ATP13A1: variants seen among roughly 807,000 people sequenced by gnomAD.
ATP13A1 encodes the protein ATPase 13A1, also known as endoplasmic reticulum transmembrane helix translocase.
A neutral mutation model predicts 134.8 loss-of-function variants in ATP13A1; 55 were observed. That is an observed-to-expected ratio of 0.41 (90% CI 0.33 to 0.51). ATP13A1 has a LOEUF of 0.51. Ranked by LOEUF, ATP13A1 falls within the 20% of genes least tolerant of loss-of-function variation. The pLI is 0.29. For synonymous variants in ATP13A1, 775 were observed against 725.1 expected, an observed-to-expected ratio of 1.07 and a Z score of -1.10; for missense variants, 1,389 against 1,652.8, an observed-to-expected ratio of 0.84 and a Z score of 2.77.
chr19:19,652,976 TCA>T (rs1272329036), intron 15 of ATP13A1: 13 of 493,024 alleles, frequency 2.6e-5, no homozygotes, highest in African/African-American at 2.3e-4. Context: ...CATGGGCACA[TCA>T]CAGAGTCCCT....
Position 19,652,696 on chromosome 19 carries a change from G to T in ATP13A1, c.2125C>A (p.Leu709Met). 6.2e-7 allele frequency: 1 copy of T among 1,606,892 alleles called. No homozygotes were observed. The highest frequency in any genetic ancestry group is 1.1e-5 in the South Asian group (1 of 89,788). Residue 709 changes from leucine to methionine, a missense_variant, in exon 16 of 26, where the codon CTG becomes ATG. By Grantham distance (15) the Leu-to-Met change is conservative. Transcript: ENST00000357324. The stretch of plus-strand genomic sequence containing the variant: ...CCGACGAACTTGAGGCTGCACTCCA[G>T]GGCCTCCCGCTTGACCTCCCGGGCC... ...QQAREVKREALECSLKFVGFI... is the reference protein window; with the variant it reads ...QQAREVKREAMECSLKFVGFI...
In ATP13A1 at chr19:19,647,541, C is replaced by G. The variant is rs761484333; in HGVS notation, c.2794-13G>C. 3.1e-6 allele frequency: 5 copies of G among 1,612,308 alleles called. No homozygotes were observed. In the South Asian group the frequency reaches 3.3e-5, roughly 11 times the overall value. On this transcript the variant is annotated splice_polypyrimidine_tract_variant and intron_variant, in intron 20 of 25. Coordinates refer to ENST00000357324, the MANE Select transcript of ATP13A1 (RefSeq NM_020410.3). This position sits in a 1 kb window ranked among gnomAD's most constrained non-coding sequence, Gnocchi z 4.8. ...GGCTCAGGCGGTCCTGCAGGGTAGA[C>G]AGCAGGCTGTCAGCCCTGGCCAGGA... is the stretch of plus-strand genomic sequence containing the variant.
At chr19:19,652,420 C>T (rs1049886658) in intron 16 of ATP13A1, among the ~76,000 whole-genome samples, 175 bp downstream of exon 16, 15 of 152,156 alleles carry the variant, frequency 9.9e-5, no homozygotes, top group South Asian at 4.1e-4. Context: ...CCAGCACAGG[C>T]GGGTCCCAGA....
chr19:19,661,882 C>T (rs1159023792), intron 1 of ATP13A1, among the ~76,000 whole-genome samples: 5 of 152,334 alleles, frequency 3.3e-5, no homozygotes, highest in African/African-American at 9.6e-5. Flanking sequence ...ACAAACGTGA[C>T]GTCACGGAAG....
intron 1 of ATP13A1, chr19:19,662,359 C>T: frequency 3.0e-6 from 3 of 985,370 alleles, no homozygotes; most frequent in Non-Finnish European, 3.6e-6. Context: ...TCAGAGCCAG[C>T]CAGGGTGGGG....
chr19:19,650,169 G>A (rs73004995), intron 17 of ATP13A1: 235 of 589,394 alleles, frequency 4.0e-4, no homozygotes, highest in Non-Finnish European at 6.5e-4. Context: ...CTGAGAGCCC[G>A]GGACACAGCC....
chr19:19,647,852 C>T lies in ATP13A1; in HGVS notation c.2633-93G>A. 3 of 1,451,284 alleles carry T rather than the reference C, an allele frequency of 2.1e-6. No individual in the cohort carries two copies. The highest frequency in any genetic ancestry group is 9.2e-7 in the Non-Finnish European group (1 of 1,092,088). The allele number at this position is 1,451,284 out of a possible 1,614,324, so 89.9% of individuals were successfully genotyped here. On this transcript the variant is annotated intron_variant, in intron 19 of 25. Transcript: ENST00000357324. The surrounding 1 kb of genome is among the most constrained non-coding windows in gnomAD (Gnocchi z 4.8). ...AGCCACTGGTCCTGAAGTCCCCCAG[C>T]TGGCTCCCGTGAGGACAGTTCCCAG...
intron 1 of ATP13A1, among the ~76,000 whole-genome samples, chr19:19,660,938 G>T (rs1484339531): frequency 6.6e-6 from 1 of 151,794 alleles, no homozygotes; most frequent in Non-Finnish European, 1.5e-5. Flanking sequence ...AATTAGCTGG[G>T]CATAGTGGCA....
Position 19,645,889 on chromosome 19 carries a change from G to A in ATP13A1, c.3345C>T (p.Phe1115=), listed in dbSNP as rs773108473. 16 of 1,613,792 alleles carry A rather than the reference G, an allele frequency of 9.9e-6. No individual in the cohort carries two copies. The highest frequency in any genetic ancestry group is 6.7e-5 in the East Asian group (3 of 44,894). The change falls in exon 24 of 26, where the codon TTC becomes TTT. Residue 1115 remains phenylalanine, a synonymous_variant. Transcript: ENST00000357324. This position sits in a 1 kb window ranked among gnomAD's most constrained non-coding sequence, Gnocchi z 4.1. ...IMAMAMQMAT[F]AINYKGPPFM... ...CAGGCCTTACTTTGTAATTGATGGC[G>A]AAGGTGGCCATCTGCATGGCCATGG...
At position 19,655,777 on chromosome 19, in the gene ATP13A1, CAG is replaced by C. The variant is rs1489304151; in HGVS notation, c.1269+99_1269+100del. 5 of 1,533,798 alleles carry C rather than the reference CAG, an allele frequency of 3.3e-6. No homozygotes were observed. The highest frequency in any genetic ancestry group is 1.8e-6 in the Non-Finnish European group (2 of 1,140,522). Reference sequence around the variant, plus strand: ...TGGCCCAGGTCCAGGGCCGTGCTGCCAGAGTCAGCCCGTGGGGCAGATGTTCT... The same window carrying C: ...TGGCCCAGGTCCAGGGCCGTGCTGCCAGTCAGCCCGTGGGGCAGATGTTCT... On this transcript the variant is annotated intron_variant, in intron 9 of 25. Transcript: ENST00000357324. This position sits in a 1 kb window ranked among gnomAD's most constrained non-coding sequence, Gnocchi z 5.7.
At chr19:19,662,039 G>A (rs1269404423) in intron 1 of ATP13A1, 6 of 1,561,912 alleles carry the variant, frequency 3.8e-6, no homozygotes, top group South Asian at 3.5e-5. Context: ...GAGCAGAAGC[G>A]GCCCTTTCTG....
At position 19,663,572 on chromosome 19, in the gene ATP13A1, G is replaced by A. The variant is rs1287088768; in HGVS notation, c.95C>T (p.Pro32Leu). 6.7e-7 allele frequency: 1 copy of A among 1,501,286 alleles called. No homozygotes were observed. Among genetic ancestry groups the A allele is most frequent in the Admixed American group, 2.1e-5 (1 of 46,700 alleles). The allele number at this position is 1,501,286 out of a possible 1,614,324, so 93.0% of individuals were successfully genotyped here. The part of the protein sequence containing the change: ...PDGQPKPGPQ[P>L]RALLAAGPAL... ...CGGCCCGGCGGCAAGGAGCGCGCGC[G>A]GCTGCGGCCCGGGCTTGGGCTGCCC... Residue 32 changes from proline to leucine, a missense_variant, in exon 1 of 26, where the codon CCG (proline) becomes CTG (leucine). Pro to Leu is a moderately conservative substitution (Grantham distance 98, BLOSUM62 -3). This residue lies in a region of ATP13A1 where 293 missense variants were observed against 270.8 expected (regional missense o/e 1.08). Transcript: ENST00000357324.
At chr19:19,646,420 T>C (rs2061986210) in intron 22 of ATP13A1, 73 bp from the exon 23 acceptor site, 3 of 1,558,196 alleles carry the variant, frequency 1.9e-6, no homozygotes, top group Non-Finnish European at 2.6e-6. Flanking sequence ...CAGCAGGCAG[T>C]AACATCCCCT....
Position 19,656,753 on chromosome 19 carries a change from C to T in ATP13A1, c.990G>A (p.Gln330=). Reference sequence around the variant, plus strand: ...GCACGTCACATGGCACCAGGTTCTCCTGTGGGGAGCGGCCTGCAGGGCAGA... The same window carrying T: ...GCACGTCACATGGCACCAGGTTCTCTTGTGGGGAGCGGCCTGCAGGGCAGA... ...GDIVSIGRSP[Q]ENLVPCDVLL... Residue 330 remains glutamine (Q), a synonymous_variant, in exon 7 of 26, where the codon CAG becomes CAA. Coordinates refer to ENST00000357324, the MANE Select transcript of ATP13A1 (RefSeq NM_020410.3). This position sits in a 1 kb window ranked among gnomAD's most constrained non-coding sequence, Gnocchi z 4.6. 1.2e-6 allele frequency: 2 copies of T among 1,613,708 alleles called. No homozygotes were observed. Among genetic ancestry groups the T allele is most frequent in the Admixed American group, 3.3e-5 (2 of 60,006 alleles).
intron 1 of ATP13A1, chr19:19,662,325 G>A (rs1347961824): frequency 1.0e-6 from 1 of 985,428 alleles, no homozygotes; most frequent in African/African-American, 1.7e-5. Flanking sequence ...TCTCAGGAGA[G>A]GAGAATGAGG....
At chr19:19,652,506 T>G in intron 16 of ATP13A1, 89 bp downstream of exon 16, 1 of 1,483,716 alleles carries the variant, frequency 6.7e-7, no homozygotes, top group Non-Finnish European at 9.0e-7. Flanking sequence ...CTGTGAGACT[T>G]GGGTGCCCAC....
intron 1 of ATP13A1, 178 bp downstream of exon 1, chr19:19,663,093 G>C (rs1207058057): frequency 6.7e-6 from 6 of 900,914 alleles, no homozygotes; most frequent in East Asian, 5.3e-5. Flanking sequence ...GGCATGCACA[G>C]CAAGTCAGCA....
chr19:19,652,026 G>T (rs1261580265), intron 16 of ATP13A1, among the ~76,000 whole-genome samples: 2 of 151,986 alleles, frequency 1.3e-5, no homozygotes, highest in Admixed American at 1.3e-4. Context: ...GCTTGGATTT[G>T]CAATACAAAT....
chr19:19,654,943 C>T (rs1297440294), intron 12 of ATP13A1, among the ~76,000 whole-genome samples, 176 bp downstream of exon 12: 4 of 152,192 alleles, frequency 2.6e-5, no homozygotes, highest in East Asian at 1.9e-4. Flanking sequence ...GCTGAGCCCC[C>T]GTGCCGCTAC....
Sources: gnomAD v4.1 joint callset for allele counts (sites outside exome capture counted in the v4.1 genomes callset) on GRCh38, gnomAD v4.1.1 for gene constraint, gnomAD v4.1.1 regional missense constraint, Gnocchi (gnomAD v3.1) non-coding constraint, MANE v1.5 for transcripts, NCBI Gene and HGNC (gene_info 2026-07-23, HGNC 2026-07-21) for gene names.